ROBO1: variants seen among roughly 807,000 people sequenced by gnomAD.
ROBO1 encodes the protein roundabout guidance receptor 1.
In ROBO1, 149 loss-of-function variants were observed where a neutral mutation model predicts 195.9. That is an observed-to-expected ratio of 0.76 (90% CI 0.67 to 0.87). ROBO1 has a LOEUF of 0.87. Among genes scored for constraint, ROBO1 ranks in the 40% least tolerant of loss-of-function variants. ROBO1 has a pLI of 0.00. For missense variants in ROBO1, 1,933 were observed against 2,068.3 expected (o/e 0.93, Z 1.27); for synonymous variants, 816 against 733.2 (o/e 1.11, Z -1.82).
chr3:78,851,277 G>T (rs1211726979), intron 4 of ROBO1, among the ~76,000 whole-genome samples: 1 of 152,084 alleles, frequency 6.6e-6, no homozygotes, highest in Non-Finnish European at 1.5e-5. Context: ...TCAACTGAAA[G>T]GATAACATGT....
At chr3:78,780,875 T>A (rs918850059) in intron 4 of ROBO1, among the ~76,000 whole-genome samples, 3 of 152,144 alleles carry the variant, frequency 2.0e-5, no homozygotes, top group African/African-American at 7.2e-5. Context: ...GTTCTCTAAC[T>A]CACCCCTGCT....
rs1704198029 is a variant in ROBO1, at chr3:78,617,704, G to A, written c.4213C>T (p.Gln1405Ter). Residue 1405 changes from glutamine (Q) to a stop codon, truncating the protein, a stop_gained, in exon 27 of 31, where the codon CAG becomes TAG. Coordinates refer to ENST00000464233, the MANE Select transcript of ROBO1 (RefSeq NM_002941.4). LOFTEE classifies it high-confidence loss of function. ...GSFFTDADFA[Q>*]AVAAAAEYAG... The stretch of plus-strand genomic sequence containing the variant: ...TACTCTGCCGCTGCTGCGACTGCCT[G>A]GGCAAAGTCAGCATCAGTGAAAAAG... 2 of 1,613,956 alleles carry A rather than the reference G, an allele frequency of 1.2e-6. No homozygotes were observed. The highest frequency in any genetic ancestry group is 1.7e-6 in the Non-Finnish European group (2 of 1,179,872).
chr3:78,993,550 A>G (rs893645828), intron 3 of ROBO1, among the ~76,000 whole-genome samples: 6 of 152,120 alleles, frequency 3.9e-5, no homozygotes, highest in Non-Finnish European at 5.9e-5. Context: ...AGAGCATGAC[A>G]CTGTTGACAC....
chr3:78,990,642 A>C (rs2077216277), intron 3 of ROBO1, among the ~76,000 whole-genome samples: 1 of 152,200 alleles, frequency 6.6e-6, no homozygotes, highest in Admixed American at 6.6e-5. Flanking sequence ...GTTCACTCTA[A>C]AGAGAGTAAG....
At chr3:79,008,964 G>T (rs1303380639) in intron 3 of ROBO1, among the ~76,000 whole-genome samples, 1 of 149,416 alleles carries the variant, frequency 6.7e-6, no homozygotes, top group African/African-American at 2.5e-5. Context: ...GTTTTGAGAT[G>T]AGTCTCGCTG....
At chr3:79,179,390 T>A (rs1196445137) in intron 2 of ROBO1, among the ~76,000 whole-genome samples, 1 of 152,244 alleles carries the variant, frequency 6.6e-6, no homozygotes, top group Admixed American at 6.5e-5. Flanking sequence ...AATAAATAGT[T>A]CTGTGATTTA....
intron 3 of ROBO1, among the ~76,000 whole-genome samples, chr3:79,039,948 T>A: frequency 6.6e-6 from 1 of 152,176 alleles, no homozygotes; most frequent in East Asian, 1.9e-4. Context: ...ATGAGATACT[T>A]AATACATATA....
intron 2 of ROBO1, among the ~76,000 whole-genome samples, chr3:79,437,824 G>T (rs529548129): frequency 1.5e-4 from 23 of 151,864 alleles, no homozygotes; most frequent in Non-Finnish European, 3.1e-4. Context: ...AAACACACAT[G>T]AAGGTGCATT....
At chr3:79,557,410 G>T (rs1942740781) in intron 2 of ROBO1, among the ~76,000 whole-genome samples, 1 of 151,810 alleles carries the variant, frequency 6.6e-6, no homozygotes, top group Admixed American at 6.6e-5. Flanking sequence ...ATGAATTTGT[G>T]ACTATAAAGA....
chr3:78,641,339 C>T (rs1442816921), intron 21 of ROBO1, among the ~76,000 whole-genome samples: 1 of 152,162 alleles, frequency 6.6e-6, no homozygotes, highest in Non-Finnish European at 1.5e-5. Flanking sequence ...TTTATAAACA[C>T]ATACACTGGA....
chr3:78,984,323 A>G (rs978399984), intron 3 of ROBO1, among the ~76,000 whole-genome samples: 15 of 152,160 alleles, frequency 9.9e-5, no homozygotes, highest in African/African-American at 3.4e-4. Context: ...TTATTTCATG[A>G]GATGAAGAAA....
At chr3:79,133,597 CA>C (rs1218759092) in intron 2 of ROBO1, among the ~76,000 whole-genome samples, 1 of 50,328 alleles carries the variant, frequency 2.0e-5, no homozygotes. Flanking sequence ...AAATTTTTTT[CA>C]AAGTTTTCAA....
intron 2 of ROBO1, among the ~76,000 whole-genome samples, chr3:79,485,628 A>T (rs1414592957): frequency 3.3e-5 from 5 of 152,232 alleles, no homozygotes; most frequent in African/African-American, 1.2e-4. Context: ...CAGCGCTTTA[A>T]AATTATTAAC....
At chr3:79,305,521 GA>G (rs1283380253) in intron 2 of ROBO1, among the ~76,000 whole-genome samples, 1 of 134,862 alleles carries the variant, frequency 7.4e-6, no homozygotes, top group African/African-American at 2.7e-5. Context: ...AATTACAAAA[GA>G]AAGAGTCTTA....
At chr3:79,322,457 A>T (rs2034022774) in intron 2 of ROBO1, among the ~76,000 whole-genome samples, 1 of 152,192 alleles carries the variant, frequency 6.6e-6, no homozygotes, top group Non-Finnish European at 1.5e-5. Context: ...TCTTGAAAAG[A>T]GTCTTGGAGA....
rs1229458463 is a variant in ROBO1 at position 78,844,158 on chromosome 3, C to G, written c.499+94443G>C. ...AGAAGCAGCCACATTTTAAAATTTG[C>G]TTTGTACCCTACTAAGCTACTATGA... On this transcript the variant is annotated intron_variant, in intron 4 of 30. Transcript: ENST00000464233. 4.6e-5 allele frequency among the ~76,000 whole-genome samples: 7 copies of G among 152,004 alleles called. No individual in the cohort carries two copies. In the East Asian group the frequency reaches 1.2e-3, roughly 25 times the overall value.
chr3:79,630,990 G>A (rs777707309), intron 1 of ROBO1, among the ~76,000 whole-genome samples: 1 of 151,758 alleles, frequency 6.6e-6, no homozygotes, highest in Non-Finnish European at 1.5e-5. Context: ...AAAAGAAATG[G>A]AAAACCATCC....
intron 14 of ROBO1, among the ~76,000 whole-genome samples, chr3:78,663,641 T>C (rs1307769668): frequency 6.6e-6 from 1 of 152,188 alleles, no homozygotes; most frequent in Non-Finnish European, 1.5e-5. Context: ...AGTTTCCTTA[T>C]GCTTCAGATG....
chr3:78,755,265 G>T (rs1328729020), intron 4 of ROBO1, among the ~76,000 whole-genome samples: 1 of 152,032 alleles, frequency 6.6e-6, no homozygotes, highest in Non-Finnish European at 1.5e-5. Context: ...CCCAGGAGTT[G>T]GAGACCAGCC....
Sources: allele counts gnomAD v4.1 joint callset (sites outside exome capture counted in the v4.1 genomes callset), GRCh38; gene constraint gnomAD v4.1.1; transcripts MANE v1.5; gene names NCBI Gene and HGNC (gene_info 2026-07-23, HGNC 2026-07-21).